Variants in VAV2 observed in about 807,000 individuals in gnomAD.
VAV2 encodes the protein guanine nucleotide exchange factor VAV2.
A neutral mutation model predicts 132.5 loss-of-function variants in VAV2; 67 were observed. The observed-to-expected ratio is 0.51, with a 90% CI of 0.42 to 0.62. The LOEUF (loss-of-function observed/expected upper bound fraction) is 0.62. Among genes scored for constraint, VAV2 ranks in the 20% least tolerant of loss-of-function variants. The pLI, the probability that VAV2 is intolerant of heterozygous loss-of-function variation, is 0.00. For synonymous variants in VAV2, 492 were observed against 443.5 expected, an observed-to-expected ratio of 1.11 and a Z score of -1.37; for missense variants, 938 against 1,153.6, an observed-to-expected ratio of 0.81 and a Z score of 2.71.
At chr9:133,795,777 G>A (rs759350913) in intron 11 of VAV2, 41 bp from the exon 12 acceptor site, 5 of 1,604,154 alleles carry the variant, frequency 3.1e-6, no homozygotes, top group East Asian at 4.5e-5. Flanking sequence ...CCACTCGGGG[G>A]TTCTGGCCTC....
chr9:133,773,762 G>A (rs1833719088), intron 25 of VAV2, among the ~76,000 whole-genome samples: 1 of 152,088 alleles, frequency 6.6e-6, no homozygotes, highest in Non-Finnish European at 1.5e-5. Flanking sequence ...CTGAGTAGAA[G>A]GAGTATGCTC....
At chr9:133,786,014 C>A in intron 16 of VAV2, 129 bp from the exon 17 acceptor site, 2 of 789,042 alleles carry the variant, frequency 2.5e-6, no homozygotes, top group South Asian at 1.5e-5. Flanking sequence ...GTGCCTGTGC[C>A]TGTGTGAACA....
rs114376193 is a variant in VAV2 at position 133,903,163 on chromosome 9, G to A, written c.321+35940C>T. 2.7e-3 allele frequency among the ~76,000 whole-genome samples: 405 copies of A among 151,768 alleles called. 2 individuals are homozygous for A. The highest frequency in any genetic ancestry group is 9.2e-3 in the African/African-American group (379 of 41,350). ...CAAGAATACAAAAAGAGAAGACGCC[G>A]TCTGCAAGCCCAGGAGAGTGCCCCG... On this transcript the variant is annotated intron_variant, in intron 2 of 29. Transcript: ENST00000371850.
intron 2 of VAV2, among the ~76,000 whole-genome samples, chr9:133,898,723 C>T (rs181800680): frequency 9.2e-5 from 14 of 152,118 alleles, no homozygotes; most frequent in Admixed American, 2.6e-4. Context: ...CTCATGAGGC[C>T]AGGCCTGAGC....
intron 1 of VAV2, among the ~76,000 whole-genome samples, chr9:133,964,399 T>G (rs1335299366): frequency 6.6e-6 from 1 of 151,970 alleles, no homozygotes; most frequent in Non-Finnish European, 1.5e-5. Context: ...AATATATGTA[T>G]TTACATTTGC....
intron 2 of VAV2, among the ~76,000 whole-genome samples, chr9:133,934,115 A>G (rs1314430673): frequency 6.0e-5 from 9 of 149,532 alleles, no homozygotes; most frequent in African/African-American, 2.0e-4. Flanking sequence ...GATGATGGAT[A>G]GATGGATGGA....
intron 5 of VAV2, among the ~76,000 whole-genome samples, chr9:133,810,826 C>T: frequency 6.6e-6 from 1 of 152,244 alleles, no homozygotes; most frequent in South Asian, 2.1e-4. Context: ...AGAGAGCCTG[C>T]AGGATCCAGG....
rs1487894318 is a variant in VAV2, at chr9:133,768,757, T to G, written c.2435-161A>C. On this transcript the variant is annotated intron_variant, in intron 28 of 29. Coordinates refer to ENST00000371850, the MANE Select transcript of VAV2 (RefSeq NM_001134398.2). This position sits in a 1 kb window ranked among gnomAD's most constrained non-coding sequence, Gnocchi z 5.3. ...GCAGAAAGGCTCTGGAGGGACACACTGGCCTCCAATCCCAGGGCCCCTTGC... is the reference window on the plus strand; with the variant it reads ...GCAGAAAGGCTCTGGAGGGACACACGGGCCTCCAATCCCAGGGCCCCTTGC... Among the ~76,000 whole-genome samples the G allele has an allele frequency of 6.6e-6, 1 of 151,964 alleles. No homozygotes were observed. The highest frequency in any genetic ancestry group is 1.5e-5 in the Non-Finnish European group (1 of 67,988).
chr9:133,949,946 C>G (rs532568694), intron 1 of VAV2, among the ~76,000 whole-genome samples: 1 of 152,220 alleles, frequency 6.6e-6, no homozygotes, highest in Non-Finnish European at 1.5e-5. Context: ...GATTTCCAAA[C>G]GAGCTCTGCT....
Position 133,804,252 on chromosome 9 carries a change from T to C in VAV2, c.836+1829A>G, listed in dbSNP as rs1458650581. Among the ~76,000 whole-genome samples the C allele has an allele frequency of 6.6e-6, 1 of 152,136 alleles. No individual in the cohort carries two copies. Among genetic ancestry groups the C allele is most frequent in the Non-Finnish European group, 1.5e-5 (1 of 68,028 alleles). On this transcript the variant is annotated intron_variant, in intron 9 of 29. Coordinates refer to ENST00000371850, the MANE Select transcript of VAV2 (RefSeq NM_001134398.2). The surrounding 1 kb of genome is among the most constrained non-coding windows in gnomAD (Gnocchi z 4.5). ...CTGGGACAGAACCACGATGATTTGG[T>C]GATGAGCTCTGATGAAACGCTGACA... is the stretch of plus-strand genomic sequence containing the variant.
Position 133,865,914 on chromosome 9 carries a change from C to A in VAV2, c.322-4482G>T, listed in dbSNP as rs534256977. Among the ~76,000 whole-genome samples the A allele has an allele frequency of 7.9e-5, 12 of 152,374 alleles. No individual in the cohort carries two copies. The South Asian group carries it at 2.5e-3, about 32-fold the overall frequency. On this transcript the variant is annotated intron_variant, in intron 2 of 29. Transcript: ENST00000371850. ...CTGGTTTCCCCTGGCTTTCAGGCCC[C>A]ACTCCATGCCTGGTGCCAAAGCAGG...
At chr9:133,813,832 T>A (rs739451) in intron 4 of VAV2, among the ~76,000 whole-genome samples, 7 of 152,114 alleles carry the variant, frequency 4.6e-5, no homozygotes, top group Non-Finnish European at 8.8e-5. Flanking sequence ...CACCGACCCA[T>A]GGGCAAGCCC....
Position 133,991,044 on chromosome 9 carries a change from C to G in VAV2, c.204+1031G>C, listed in dbSNP as rs978630618. Among the ~76,000 whole-genome samples, 4 of 152,252 alleles carry G rather than the reference C, an allele frequency of 2.6e-5. No individual in the cohort carries two copies. The highest frequency in any genetic ancestry group is 4.4e-5 in the Non-Finnish European group (3 of 68,044). ...AATCGCTGGTGACTCACTCTCCCTC[C>G]TTCCCAGGAACCACGTCCTAAGTCC... On this transcript the variant is annotated intron_variant, in intron 1 of 29. Transcript: ENST00000371850. The surrounding 1 kb of genome is among the most constrained non-coding windows in gnomAD (Gnocchi z 4.8).
At chr9:133,910,647 A>T (rs1839846014) in intron 2 of VAV2, among the ~76,000 whole-genome samples, 1 of 8,602 alleles carries the variant, frequency 1.2e-4, no homozygotes, top group African/African-American at 2.1e-4. Flanking sequence ...CGACTCTACT[A>T]AAAAAAAAAA....
chr9:133,796,719 C>G (rs886789744), intron 10 of VAV2, among the ~76,000 whole-genome samples, 195 bp from the exon 11 acceptor site: 2 of 152,150 alleles, frequency 1.3e-5, no homozygotes, highest in Non-Finnish European at 2.9e-5. Context: ...CAACACATGG[C>G]TCCCACCCTG....
chr9:133,946,733 A>T (rs529603427), intron 1 of VAV2, among the ~76,000 whole-genome samples: 30 of 152,296 alleles, frequency 2.0e-4, no homozygotes, highest in African/African-American at 7.0e-4. Context: ...GGGAAAACAA[A>T]TTAATTTCCT....
chr9:133,796,797 C>T (rs530468269), intron 10 of VAV2, among the ~76,000 whole-genome samples: 142 of 152,336 alleles, frequency 9.3e-4, no homozygotes, highest in African/African-American at 3.2e-3. Context: ...CCTCTCGGGG[C>T]GCCTGCTGGG....
At chr9:133,786,951 G>A (rs1445523158) in intron 16 of VAV2, among the ~76,000 whole-genome samples, 3 of 152,070 alleles carry the variant, frequency 2.0e-5, no homozygotes, top group African/African-American at 7.2e-5. Flanking sequence ...AGAGAACACA[G>A]AAAAACAAAA....
At chr9:133,972,542 C>G (rs548855568) in intron 1 of VAV2, among the ~76,000 whole-genome samples, 1 of 152,352 alleles carries the variant, frequency 6.6e-6, no homozygotes, top group East Asian at 1.9e-4. Flanking sequence ...AGGGGCGGCC[C>G]GCCTCCTGCA....
Sources: gnomAD v4.1 joint callset for allele counts (sites outside exome capture counted in the v4.1 genomes callset) on GRCh38, gnomAD v4.1.1 for gene constraint, Gnocchi (gnomAD v3.1) non-coding constraint, MANE v1.5 for transcripts, NCBI Gene and HGNC (gene_info 2026-07-23, HGNC 2026-07-21) for gene names.